Variants in TENM3 observed in about 807,000 individuals in gnomAD.
TENM3 encodes the protein teneurin-3.
In TENM3, 63 loss-of-function variants were observed where a neutral mutation model predicts 255.1. The ratio of observed to expected loss-of-function variants is 0.25; its 90% confidence interval spans 0.20 to 0.30. The LOEUF (loss-of-function observed/expected upper bound fraction) is 0.30. Among genes scored for constraint, TENM3 ranks in the 10% least tolerant of loss-of-function variants. The pLI is 1.00. For missense variants in TENM3, 2,929 were observed against 3,461.1 expected, an observed-to-expected ratio of 0.85 and a Z score of 3.86; for synonymous variants, 1,306 against 1,322.3, an observed-to-expected ratio of 0.99 and a Z score of 0.27.
the TENM3 span, among the ~76,000 whole-genome samples, chr4:181,861,169 A>T: frequency 2.6e-5 from 4 of 152,120 alleles, no homozygotes; most frequent in Admixed American, 1.3e-4. Context: ...AACTTGCATT[A>T]TTCTTTGTGA....
chr4:182,517,386 T>TC (rs70956515), intron 3 of TENM3, among the ~76,000 whole-genome samples: 14,488 of 123,544 alleles, frequency 0.12, 1,554 homozygotes, highest in Non-Finnish European at 0.14. Context: ...ATTCTTTTTT[T>TC]TTTTTTTTTT....
At chr4:181,871,012 G>A in the TENM3 span, among the ~76,000 whole-genome samples, 1 of 151,870 alleles carries the variant, frequency 6.6e-6, no homozygotes, top group African/African-American at 2.4e-5. Flanking sequence ...TTTCAATATA[G>A]CAAAAAAATC....
the TENM3 span, among the ~76,000 whole-genome samples, chr4:181,949,079 C>T: frequency 1.2e-4 from 18 of 152,008 alleles, no homozygotes; most frequent in Non-Finnish European, 1.6e-4. Flanking sequence ...CAATGCCAGA[C>T]GTAGAAAAAA....
At chr4:182,368,349 T>A (rs1203158733) in intron 3 of TENM3, among the ~76,000 whole-genome samples, 1 of 152,144 alleles carries the variant, frequency 6.6e-6, no homozygotes, top group East Asian at 1.9e-4. Flanking sequence ...ATCAAGTTGG[T>A]TGAGTTTTGT....
chr4:181,737,549 C>T, the TENM3 span, among the ~76,000 whole-genome samples: 9 of 151,954 alleles, frequency 5.9e-5, no homozygotes, highest in Non-Finnish European at 1.0e-4. Flanking sequence ...GGGAAAAAAA[C>T]GCTGACAGCA....
chr4:182,677,563 C>T (rs1755766816), intron 7 of TENM3, among the ~76,000 whole-genome samples: 1 of 152,108 alleles, frequency 6.6e-6, no homozygotes, highest in African/African-American at 2.4e-5. Flanking sequence ...TTCAAAACTG[C>T]TGAATTAATT....
chr4:181,670,276 G>A, the TENM3 span, among the ~76,000 whole-genome samples: 6,449 of 152,226 alleles, frequency 0.042, 164 homozygotes, highest in Middle Eastern at 0.078. Flanking sequence ...AAAAGGGTCC[G>A]TCCCTTAGTC....
intron 14 of TENM3, among the ~76,000 whole-genome samples, chr4:182,729,479 A>G (rs1250236968): frequency 1.3e-5 from 2 of 152,246 alleles, no homozygotes; most frequent in African/African-American, 2.4e-5. Flanking sequence ...AGAAGCAGTG[A>G]AAAGACCCCA....
At chr4:182,674,575 TTTG>T (rs897718783) in intron 7 of TENM3, among the ~76,000 whole-genome samples, 2 of 152,098 alleles carry the variant, frequency 1.3e-5, no homozygotes, top group African/African-American at 4.8e-5. Flanking sequence ...TTGGTTTTTG[TTTG>T]TTTTGTTTTT....
rs561888497 is a variant in TENM3 at position 182,671,922 on chromosome 4, CCCAGGCTGG to C, written c.1112-1082_1112-1074del. On this transcript the variant is annotated intron_variant, in intron 6 of 27. Coordinates refer to ENST00000511685, the MANE Select transcript of TENM3 (RefSeq NM_001080477.4). ...TAAGAGACGAGGTCTCACTGTGTTG[CCCAGGCTGG>C]ACTTTAACTCCTGCGCTCAAGTGAT... is the stretch of plus-strand genomic sequence containing the variant. Among the ~76,000 whole-genome samples, 927 of 152,132 alleles carry C rather than the reference CCCAGGCTGG, an allele frequency of 6.1e-3. 15 individuals carry two copies. The highest frequency in any genetic ancestry group is 0.025 in the Admixed American group (386 of 15,280).
At chr4:181,890,650 G>A in the TENM3 span, among the ~76,000 whole-genome samples, 1 of 152,018 alleles carries the variant, frequency 6.6e-6, no homozygotes, top group African/African-American at 2.4e-5. Context: ...TCTATTATTA[G>A]AATGAAATCA....
chr4:181,624,653 T>G, the TENM3 span, among the ~76,000 whole-genome samples: 2 of 152,238 alleles, frequency 1.3e-5, no homozygotes, highest in African/African-American at 4.8e-5. Context: ...TGGCTGGCAC[T>G]CAGATGTGGA....
chr4:182,347,019 TC>T lies in TENM3; in HGVS notation c.511+92del, dbSNP rs1167934744. On this transcript the variant is annotated intron_variant, in intron 3 of 27. Coordinates refer to ENST00000511685, the MANE Select transcript of TENM3 (RefSeq NM_001080477.4). ...GCGGGGGGGGATGTTTTTCTTTCTC[TC>T]CTTCCTCTCATCCTTCTTTCTCTCT... 5.1e-6 allele frequency: 5 copies of T among 977,846 alleles called. No homozygotes were observed. In the Admixed American group the frequency reaches 1.5e-4, roughly 29 times the overall value. The allele number at this position is 977,846 out of a possible 1,614,324, so 60.6% of individuals were successfully genotyped here. A position where few individuals can be genotyped will look rare whatever the true frequency, so the allele number is the denominator to read the frequency against.
the TENM3 span, among the ~76,000 whole-genome samples, chr4:181,876,833 G>C: frequency 2.0e-5 from 3 of 152,002 alleles, no homozygotes; most frequent in Non-Finnish European, 4.4e-5. Flanking sequence ...GATATTCATA[G>C]ATTGTATTCT....
At chr4:181,918,143 G>GT in the TENM3 span, among the ~76,000 whole-genome samples, 2 of 152,090 alleles carry the variant, frequency 1.3e-5, no homozygotes, top group African/African-American at 2.4e-5. Context: ...GTGGGTGAAA[G>GT]TTATTTTAAA....
chr4:182,504,900 A>G (rs753645103), intron 3 of TENM3, among the ~76,000 whole-genome samples: 1 of 152,226 alleles, frequency 6.6e-6, no homozygotes, highest in Admixed American at 6.5e-5. Flanking sequence ...AGGTCATAAT[A>G]CAACAGATAC....
intron 14 of TENM3, among the ~76,000 whole-genome samples, chr4:182,729,814 T>C (rs537236904): frequency 6.6e-6 from 1 of 152,350 alleles, no homozygotes; most frequent in African/African-American, 2.4e-5. Flanking sequence ...CTTATACTTC[T>C]TGGTCCCTGA....
the TENM3 span, among the ~76,000 whole-genome samples, chr4:181,701,137 C>T: frequency 6.6e-6 from 1 of 152,234 alleles, no homozygotes; most frequent in East Asian, 1.9e-4. Flanking sequence ...TTAGTATTCT[C>T]GTTGACCTTG....
chr4:182,131,338 T>C, the TENM3 span, among the ~76,000 whole-genome samples: 1 of 152,240 alleles, frequency 6.6e-6, no homozygotes, highest in African/African-American at 2.4e-5. Flanking sequence ...TGTTAGAAGA[T>C]AAACCTAAAT....
Sources: allele counts gnomAD v4.1 joint callset (sites outside exome capture counted in the v4.1 genomes callset), GRCh38; gene constraint gnomAD v4.1.1; transcripts MANE v1.5; gene names NCBI Gene and HGNC (gene_info 2026-07-23, HGNC 2026-07-21).